The following ACBD3 variants were observed in gnomAD, a reference collection of about 807,000 sequenced individuals.
ACBD3 encodes the protein Golgi resident protein GCP60.
ACBD3 carries 30 observed loss-of-function variants against 66.9 expected under a neutral mutation model. That is an observed-to-expected ratio of 0.45 (90% CI 0.34 to 0.61). The LOEUF (loss-of-function observed/expected upper bound fraction) is 0.61, where lower values mean the gene tolerates loss of function less well. Ranked by LOEUF, ACBD3 falls within the 20% of genes least tolerant of loss-of-function variation. The pLI, the probability that ACBD3 is intolerant of heterozygous loss-of-function variation, is 0.02. For missense variants in ACBD3, 544 were observed against 664.5 expected (o/e 0.82, Z 1.99); for synonymous variants, 278 against 259.8 (o/e 1.07, Z -0.68).
intron 7 of ACBD3, among the ~76,000 whole-genome samples, chr1:226,151,615 A>T (rs979498397): frequency 5.3e-5 from 8 of 152,236 alleles, no homozygotes; most frequent in Non-Finnish European, 8.8e-5. Context: ...CTGTATTTAC[A>T]TAAAAAATTT....
chr1:226,182,912 G>A (rs111590669), intron 1 of ACBD3, among the ~76,000 whole-genome samples: 84 of 152,266 alleles, frequency 5.5e-4, no homozygotes, highest in Non-Finnish European at 1.0e-3. Context: ...ATACTGAAAA[G>A]TCAATAATGT....
At chr1:226,182,167 G>C (rs539082860) in intron 1 of ACBD3, among the ~76,000 whole-genome samples, 6 of 152,088 alleles carry the variant, frequency 3.9e-5, no homozygotes, top group African/African-American at 4.8e-5. Flanking sequence ...GGAGGCATAG[G>C]GGGCAGTGAG....
chr1:226,160,877 A>C (rs1659758447), intron 4 of ACBD3, among the ~76,000 whole-genome samples: 1 of 152,222 alleles, frequency 6.6e-6, no homozygotes, highest in South Asian at 2.1e-4. Flanking sequence ...CTGGACCAAC[A>C]AGATTCTCTG....
intron 4 of ACBD3, among the ~76,000 whole-genome samples, chr1:226,160,996 C>T (rs1418529002): frequency 1.3e-5 from 2 of 152,182 alleles, no homozygotes; most frequent in African/African-American, 2.4e-5. Flanking sequence ...CCAAAGCAGA[C>T]AGTTGACAAT....
intron 1 of ACBD3, among the ~76,000 whole-genome samples, chr1:226,173,752 C>CTTTTTTTTTT (rs1655923703): frequency 8.9e-6 from 1 of 112,974 alleles, no homozygotes; most frequent in Non-Finnish European, 1.8e-5. Context: ...CTTTTTTTTT[C>CTTTTTTTTTT]TTTTCTTTTT....
chr1:226,186,523 C>T lies in ACBD3; in HGVS notation c.153G>A (p.Pro51=). Residue 51 remains proline, a synonymous_variant, in exon 1 of 8, where the codon CCG becomes CCA. Transcript: ENST00000366812. ...GCTCGGGCTGCTCCCCTGAGGCGCCCGGGCCGCGACCGGATCCAGGTGGCG... is the reference window on the plus strand; with the variant it reads ...GCTCGGGCTGCTCCCCTGAGGCGCCTGGGCCGCGACCGGATCCAGGTGGCG... ...PPSPPGSGRG[P]GASGEQPEPG... 1 of 1,393,420 alleles carries T rather than the reference C, an allele frequency of 7.2e-7. No homozygotes were observed. Among genetic ancestry groups the T allele is most frequent in the South Asian group, 1.6e-5 (1 of 61,340 alleles). 86.3% of individuals were successfully genotyped at this position (1,393,420 alleles called of 1,614,324 possible).
intron 2 of ACBD3, 115 bp downstream of exon 2, chr1:226,165,744 T>C (rs1232061349): frequency 2.5e-6 from 3 of 1,221,280 alleles, no homozygotes; most frequent in Non-Finnish European, 3.3e-6. Context: ...CAAGCAAAAA[T>C]GTTCAGTTCT....
intron 1 of ACBD3, among the ~76,000 whole-genome samples, chr1:226,167,172 A>G (rs975968040): frequency 6.6e-6 from 1 of 152,208 alleles, no homozygotes. Context: ...ATAATTTTAC[A>G]TTAGTCCCTT....
intron 1 of ACBD3, among the ~76,000 whole-genome samples, chr1:226,177,762 T>TA (rs879553068): frequency 1.3e-5 from 2 of 151,236 alleles, no homozygotes; most frequent in East Asian, 1.9e-4. Context: ...TTTTTTTTTT[T>TA]AGACAGGGTC....
chr1:226,167,056 A>C (rs528028613), intron 1 of ACBD3, among the ~76,000 whole-genome samples: 1 of 152,104 alleles, frequency 6.6e-6, no homozygotes, highest in South Asian at 2.1e-4. Context: ...CAGCCTCCCA[A>C]AGTGCTGGGA....
intron 6 of ACBD3, among the ~76,000 whole-genome samples, chr1:226,154,163 A>T (rs1277639252): frequency 1.3e-5 from 2 of 152,180 alleles, no homozygotes; most frequent in African/African-American, 4.8e-5. Flanking sequence ...GCTGTACAAG[A>T]TAGTAATAAA....
chr1:226,145,345 A>T lies in ACBD3; in HGVS notation c.*1265T>A, dbSNP rs1202966981. 6.6e-6 allele frequency: 1 copy of T among 152,500 alleles called. No homozygotes were observed. Among genetic ancestry groups the T allele is most frequent in the Non-Finnish European group, 1.5e-5 (1 of 68,018 alleles). The allele number at this position is 152,500 out of a possible 1,614,324, so 9.4% of individuals were successfully genotyped here. A position where few individuals can be genotyped will look rare whatever the true frequency, so the allele number is the denominator to read the frequency against. On this transcript the variant is annotated 3_prime_UTR_variant, in exon 8 of 8. Transcript: ENST00000366812. ...TGATTTAGGATTTGAAATTTTAAAA[A>T]TCTAAGTACTTCAGTAACAACATAC... is the stretch of plus-strand genomic sequence containing the variant.
At chr1:226,184,829 T>C (rs1656256102) in intron 1 of ACBD3, among the ~76,000 whole-genome samples, 1 of 151,124 alleles carries the variant, frequency 6.6e-6, no homozygotes, top group African/African-American at 2.4e-5. Flanking sequence ...AGACGGAGTT[T>C]TGCTCGTCGC....
Position 226,179,853 on chromosome 1 carries a change from C to T in ACBD3, c.286+6537G>A, listed in dbSNP as rs2377018. On this transcript the variant is annotated intron_variant, in intron 1 of 7. Coordinates refer to ENST00000366812, the MANE Select transcript of ACBD3 (RefSeq NM_022735.4). The stretch of plus-strand genomic sequence containing the variant: ...AGCCTGGGCACCAAGAGTGAAACTC[C>T]GTCTCCAAAAAAAACCAAATATTAA... 0.014 allele frequency among the ~76,000 whole-genome samples: 2,045 copies of T among 151,076 alleles called. 117 individuals are homozygous for T. In the East Asian group the frequency reaches 0.19, roughly 14 times the overall value.
intron 5 of ACBD3, among the ~76,000 whole-genome samples, chr1:226,156,860 G>A (rs906858311): frequency 1.3e-5 from 2 of 152,094 alleles, no homozygotes; most frequent in African/African-American, 4.8e-5. Flanking sequence ...ATGATCAATA[G>A]GCCCAGCTCA....
intron 1 of ACBD3, among the ~76,000 whole-genome samples, chr1:226,172,650 C>A (rs909604163): frequency 6.6e-6 from 1 of 151,792 alleles, no homozygotes; most frequent in Non-Finnish European, 1.5e-5. Flanking sequence ...AAAAAAAAAT[C>A]AAGAAAACAA....
At position 226,161,146 on chromosome 1, in the gene ACBD3, C is replaced by CTTTTTTTTTTTT. The variant is rs369852670; in HGVS notation, c.728+384_728+385insAAAAAAAAAAAA. On this transcript the variant is annotated intron_variant, in intron 4 of 7. Transcript: ENST00000366812. ...AACCCCCAAACCTTCTAATACATTC[C>CTTTTTTTTTTTT]TTTTTTTTTTTGAGACGGAGTTTCA... 3.7e-5 allele frequency among the ~76,000 whole-genome samples: 5 copies of CTTTTTTTTTTTT among 134,266 alleles called. 1 individual carries two copies. The highest frequency in any genetic ancestry group is 7.8e-5 in the Non-Finnish European group (5 of 64,052). 88.1% of individuals were successfully genotyped at this position (134,266 alleles called of 152,430 possible).
At chr1:226,152,118 A>C (rs987273502) in intron 7 of ACBD3, among the ~76,000 whole-genome samples, 4 of 152,150 alleles carry the variant, frequency 2.6e-5, no homozygotes, top group Admixed American at 6.6e-5. Flanking sequence ...TGCCAAATAG[A>C]TTTTCCTGGC....
At chr1:226,161,413 C>T in intron 4 of ACBD3, 118 bp downstream of exon 4, 1 of 1,442,214 alleles carries the variant, frequency 6.9e-7, no homozygotes, top group South Asian at 1.3e-5. Flanking sequence ...CCGCCTCCGC[C>T]TCCCAAAGTG....
Sources: allele counts gnomAD v4.1 joint callset (sites outside exome capture counted in the v4.1 genomes callset), GRCh38; gene constraint gnomAD v4.1.1; transcripts MANE v1.5; gene names NCBI Gene and HGNC (gene_info 2026-07-23, HGNC 2026-07-21).